SPATA6: variants seen among roughly 807,000 people sequenced by gnomAD.
The protein encoded by SPATA6 is spermatogenesis-associated protein 6.
SPATA6 carries 56 observed loss-of-function variants against 65.3 expected under a neutral mutation model. The ratio of observed to expected loss-of-function variants is 0.86; its 90% confidence interval spans 0.69 to 1.07. The LOEUF (loss-of-function observed/expected upper bound fraction) is 1.07. Among genes scored for constraint, SPATA6 ranks in the 50% least tolerant of loss-of-function variants. The pLI, the probability that SPATA6 is intolerant of heterozygous loss-of-function variation, is 0.00. For synonymous variants in SPATA6, 199 were observed against 213.2 expected (o/e 0.93, Z 0.58); for missense variants, 590 against 594.8 (o/e 0.99, Z 0.08).
chr1:48,384,208 C>T (rs1413295758), intron 9 of SPATA6, among the ~76,000 whole-genome samples: 3 of 146,368 alleles, frequency 2.0e-5, no homozygotes, highest in East Asian at 2.1e-4. Flanking sequence ...TGGCGGTGCG[C>T]GCCTGCAATC....
At chr1:48,356,510 CTTTTTTTTT>C (rs910154922) in intron 10 of SPATA6, among the ~76,000 whole-genome samples, 17 of 122,732 alleles carry the variant, frequency 1.4e-4, no homozygotes, top group Middle Eastern at 4.6e-3. Context: ...TTTGTCCTTT[CTTTTTTTTT>C]TTTTTTTTTT....
chr1:48,382,877 C>T (rs1234809538), intron 9 of SPATA6, among the ~76,000 whole-genome samples: 40 of 144,554 alleles, frequency 2.8e-4, no homozygotes, highest in Non-Finnish European at 4.0e-4. Flanking sequence ...CCTCCCCCCT[C>T]CCGGACGGGG....
At chr1:48,374,579 G>A (rs1263558384) in intron 9 of SPATA6, among the ~76,000 whole-genome samples, 1 of 152,034 alleles carries the variant, frequency 6.6e-6, no homozygotes, top group Non-Finnish European at 1.5e-5. Context: ...TTTTCTTCAA[G>A]ACCTTCCCAT....
chr1:48,440,300 T>C (rs1222852284), intron 3 of SPATA6, among the ~76,000 whole-genome samples: 1 of 152,204 alleles, frequency 6.6e-6, no homozygotes, highest in African/African-American at 2.4e-5. Flanking sequence ...ATGATCCTGA[T>C]AGGTATACAG....
Position 48,345,727 on chromosome 1 carries a change from A to T in SPATA6, c.1194+9943T>A, listed in dbSNP as rs978368000. Among the ~76,000 whole-genome samples, 5 of 152,128 alleles carry T rather than the reference A, an allele frequency of 3.3e-5. No homozygotes were observed. The South Asian group carries it at 1.0e-3, about 31-fold the overall frequency. On this transcript the variant is annotated intron_variant, in intron 11 of 12. Coordinates refer to ENST00000371847, the MANE Select transcript of SPATA6 (RefSeq NM_019073.4). ...ATTATGAACACCTCTATGCACATAA[A>T]CTTGAAAATAAAGAAGAAATAGATA...
intron 3 of SPATA6, among the ~76,000 whole-genome samples, chr1:48,441,350 C>T (rs905616818): frequency 4.0e-5 from 6 of 151,650 alleles, no homozygotes; most frequent in African/African-American, 1.2e-4. Flanking sequence ...CGTTACCATC[C>T]GAGGAATCCT....
At chr1:48,271,205 AC>A in the SPATA6 span, among the ~76,000 whole-genome samples, 12 of 152,116 alleles carry the variant, frequency 7.9e-5, no homozygotes, top group African/African-American at 2.7e-4. Context: ...TATACTTATC[AC>A]CCCTTGCAGT....
At chr1:48,427,258 T>C (rs1391459456) in intron 3 of SPATA6, among the ~76,000 whole-genome samples, 1 of 151,960 alleles carries the variant, frequency 6.6e-6, no homozygotes, top group Non-Finnish European at 1.5e-5. Flanking sequence ...GAATATGAAT[T>C]AAAATAAACA....
At chr1:48,454,903 T>C (rs1442234741) in intron 1 of SPATA6, among the ~76,000 whole-genome samples, 4 of 152,202 alleles carry the variant, frequency 2.6e-5, no homozygotes, top group African/African-American at 9.6e-5. Flanking sequence ...TTAAAAACCA[T>C]ATAACCTGCC....
chr1:48,392,211 C>T (rs1021155921), intron 8 of SPATA6, among the ~76,000 whole-genome samples: 2 of 151,970 alleles, frequency 1.3e-5, no homozygotes, highest in African/African-American at 4.8e-5. Flanking sequence ...TAAAATATTA[C>T]GATCTTATAT....
chr1:48,281,772 T>C, the SPATA6 span, among the ~76,000 whole-genome samples: 1 of 152,058 alleles, frequency 6.6e-6, no homozygotes, highest in Non-Finnish European at 1.5e-5. Flanking sequence ...AGGTAATTTA[T>C]AGATTCAATG....
chr1:48,371,392 T>C lies in SPATA6; in HGVS notation c.910-11622A>G, dbSNP rs552727857. ...TAACAAAACCTTACTGCAAATAATA[T>C]TTATTTTTTATTTACTGCATATAAT... On this transcript the variant is annotated intron_variant, in intron 9 of 12. Transcript: ENST00000371847. 1.7e-3 allele frequency among the ~76,000 whole-genome samples: 253 copies of C among 152,274 alleles called. 4 individuals carry two copies. Among genetic ancestry groups the C allele is most frequent in the Non-Finnish European group, 6.6e-4 (45 of 68,032 alleles).
chr1:48,325,370 C>A, intron 11 of SPATA6: 2 of 1,377,314 alleles, frequency 1.5e-6, no homozygotes, highest in South Asian at 1.2e-5. Flanking sequence ...TCTGCATGCG[C>A]CTTCTCCCTG....
chr1:48,459,930 A>G (rs187407983), intron 1 of SPATA6, among the ~76,000 whole-genome samples: 8 of 152,324 alleles, frequency 5.3e-5, no homozygotes, highest in Admixed American at 2.0e-4. Context: ...CAACTGAATA[A>G]AAGTGAAAAC....
At position 48,428,384 on chromosome 1, in the gene SPATA6, T is replaced by G. The variant is rs1570544105; in HGVS notation, c.239-15233A>C. ...CAGGAGAATCGCTGAACCCAGGAGG[T>G]GGATGTTGCGGTGAGCTGAGATCAT... On this transcript the variant is annotated intron_variant, in intron 3 of 12. Coordinates refer to ENST00000371847, the MANE Select transcript of SPATA6 (RefSeq NM_019073.4). Among the ~76,000 whole-genome samples the G allele has an allele frequency of 2.6e-5, 4 of 152,056 alleles. No individual in the cohort carries two copies. In the South Asian group the frequency reaches 8.3e-4, roughly 32 times the overall value.
intron 11 of SPATA6, among the ~76,000 whole-genome samples, chr1:48,332,113 G>A (rs890740788): frequency 1.3e-5 from 2 of 152,068 alleles, no homozygotes; most frequent in African/African-American, 2.4e-5. Flanking sequence ...CCATTACCAG[G>A]CACTACAAAA....
intron 1 of SPATA6, among the ~76,000 whole-genome samples, chr1:48,466,775 T>C (rs1263260235): frequency 1.3e-5 from 2 of 152,022 alleles, no homozygotes; most frequent in African/African-American, 4.8e-5. Flanking sequence ...TACAGTAACC[T>C]GGATAAGGAT....
At chr1:48,324,885 T>C (rs551020633) in intron 11 of SPATA6, among the ~76,000 whole-genome samples, 8 of 152,288 alleles carry the variant, frequency 5.3e-5, no homozygotes, top group African/African-American at 1.7e-4. Flanking sequence ...TCCAACTTTA[T>C]TGGAAACGAA....
chr1:48,273,807 G>A, the SPATA6 span, among the ~76,000 whole-genome samples: 7,784 of 152,252 alleles, frequency 0.051, 267 homozygotes, highest in African/African-American at 0.089. Flanking sequence ...AAACATATGT[G>A]TGCATGTGTC....
Sources: gnomAD v4.1 joint callset for allele counts (sites outside exome capture counted in the v4.1 genomes callset) on GRCh38, gnomAD v4.1.1 for gene constraint, MANE v1.5 for transcripts, NCBI Gene and HGNC (gene_info 2026-07-23, HGNC 2026-07-21) for gene names.